The following CACNA1C variants were observed in gnomAD, a reference collection of about 807,000 sequenced individuals.
The protein encoded by CACNA1C is voltage-dependent L-type calcium channel subunit alpha-1C.
A neutral mutation model predicts 229.0 loss-of-function variants in CACNA1C; 30 were observed. The observed-to-expected ratio is 0.13, with a 90% CI of 0.10 to 0.18. The LOEUF is 0.18. Ranked by LOEUF, CACNA1C falls within the 10% of genes least tolerant of loss-of-function variation. The probability of loss-of-function intolerance (pLI) is 1.00; values close to 1 mark genes in which losing one functional copy is unlikely to be tolerated. For synonymous variants in CACNA1C, 1,114 were observed against 1,132.5 expected (o/e 0.98, Z 0.33); for missense variants, 1,658 against 2,845.0 (o/e 0.58, Z 9.49).
intron 3 of CACNA1C, among the ~76,000 whole-genome samples, chr12:2,293,000 C>T (rs542831315): frequency 1.7e-4 from 26 of 152,028 alleles, no homozygotes; most frequent in Admixed American, 9.8e-4. Context: ...AATTCCATTT[C>T]CCTCTGCAGC....
intron 3 of CACNA1C, among the ~76,000 whole-genome samples, chr12:2,428,874 G>C (rs1238219211): frequency 1.3e-5 from 2 of 152,228 alleles, no homozygotes; most frequent in African/African-American, 4.8e-5. Context: ...GCAAAGAGGA[G>C]AAGCTGGGAG....
chr12:2,534,076 T>C (rs187629661), intron 9 of CACNA1C, among the ~76,000 whole-genome samples: 1 of 152,022 alleles, frequency 6.6e-6, no homozygotes, highest in East Asian at 1.9e-4. Context: ...GGAGGGTAGG[T>C]AGGAAGGCTT....
intron 3 of CACNA1C, among the ~76,000 whole-genome samples, chr12:2,161,899 G>A (rs1056004460): frequency 6.6e-6 from 1 of 152,194 alleles, no homozygotes; most frequent in East Asian, 1.9e-4. Flanking sequence ...GGAAGCAGAA[G>A]CACTCAAAAA....
At position 2,633,621 on chromosome 12, in the gene CACNA1C, T is replaced by G. The variant is rs1366360947; in HGVS notation, c.3829-676T>G. 6.4e-7 allele frequency: 1 copy of G among 1,552,742 alleles called. No homozygotes were observed. The highest frequency in any genetic ancestry group is 8.9e-7 in the Non-Finnish European group (1 of 1,124,148). On this transcript the variant is annotated intron_variant, in intron 29 of 46. Coordinates refer to ENST00000399655, the MANE Select transcript of CACNA1C (RefSeq NM_000719.7). The surrounding 1 kb of genome is among the most constrained non-coding windows in gnomAD (Gnocchi z 5.8). ...TAATCCCCATCCTGCCTGCCCTCCCTTATGTAGGGTTACTTTAGTGATCCC... is the reference window on the plus strand; with the variant it reads ...TAATCCCCATCCTGCCTGCCCTCCCGTATGTAGGGTTACTTTAGTGATCCC...
In CACNA1C at chr12:2,339,767, G is replaced by A. The variant is rs150842071; in HGVS notation, c.478-109209G>A. 6.4e-3 allele frequency among the ~76,000 whole-genome samples: 981 copies of A among 152,246 alleles called. 5 individuals carry two copies. Among genetic ancestry groups the A allele is most frequent in the Non-Finnish European group, 8.9e-3 (607 of 68,022 alleles). On this transcript the variant is annotated intron_variant, in intron 3 of 46. Coordinates refer to ENST00000399655, the MANE Select transcript of CACNA1C (RefSeq NM_000719.7). ...TATAACCTTATGAGACCACCATTGTGTATGTGGCCTGTTGTTGACTGCAGT... is the reference window on the plus strand; with the variant it reads ...TATAACCTTATGAGACCACCATTGTATATGTGGCCTGTTGTTGACTGCAGT...
intron 5 of CACNA1C, among the ~76,000 whole-genome samples, chr12:2,481,726 A>G (rs1270317291): frequency 6.6e-6 from 1 of 152,234 alleles, no homozygotes; most frequent in East Asian, 1.9e-4. Context: ...CTCTCCTGTC[A>G]CATACTCAGT....
Position 2,602,485 on chromosome 12 carries a change from GTGTT to G in CACNA1C, c.2960+529_2960+532del, listed in dbSNP as rs1352832290. Among the ~76,000 whole-genome samples the G allele has an allele frequency of 3.3e-5, 5 of 151,990 alleles. No individual in the cohort carries two copies. Among genetic ancestry groups the G allele is most frequent in the Non-Finnish European group, 2.9e-5 (2 of 67,968 alleles). ...GTGGGGTGTGTGTATATGTGGATGT[GTGTT>G]TGTGGCTGTGTGTATGTGTGTGTAT... On this transcript the variant is annotated intron_variant, in intron 22 of 46. Transcript: ENST00000399655. The surrounding 1 kb of genome is among the most constrained non-coding windows in gnomAD (Gnocchi z 4.4).
chr12:2,176,656 C>T (rs189157763), intron 3 of CACNA1C, among the ~76,000 whole-genome samples: 1 of 152,236 alleles, frequency 6.6e-6, no homozygotes, highest in East Asian at 1.9e-4. Context: ...CCAACTCAAT[C>T]CCGTCCTTTA....
At chr12:2,579,548 C>A (rs938953744) in intron 13 of CACNA1C, among the ~76,000 whole-genome samples, 1 of 150,752 alleles carries the variant, frequency 6.6e-6, no homozygotes, top group African/African-American at 2.5e-5. Flanking sequence ...TGCTAACACA[C>A]CCCTACTGGT....
intron 4 of CACNA1C, among the ~76,000 whole-genome samples, chr12:2,456,658 C>G (rs1219454679): frequency 1.3e-5 from 2 of 152,198 alleles, no homozygotes; most frequent in Admixed American, 1.3e-4. Flanking sequence ...TTCCCATAGG[C>G]CTCTGCTCAA....
chr12:2,656,378 A>G (rs145986937), intron 34 of CACNA1C, among the ~76,000 whole-genome samples: 2 of 152,334 alleles, frequency 1.3e-5, no homozygotes, highest in East Asian at 3.9e-4. Flanking sequence ...TTAGGAATAA[A>G]TTTAATGATC....
chr12:2,246,805 A>G (rs2073482863), intron 3 of CACNA1C, among the ~76,000 whole-genome samples: 1 of 152,164 alleles, frequency 6.6e-6, no homozygotes, highest in African/African-American at 2.4e-5. Context: ...ACATTGGCCA[A>G]GGTTGGGGGT....
chr12:2,594,150 T>C (rs1308765353), intron 19 of CACNA1C, among the ~76,000 whole-genome samples: 2 of 152,262 alleles, frequency 1.3e-5, no homozygotes, highest in Non-Finnish European at 2.9e-5. Flanking sequence ...TTGTACAGAT[T>C]TACTACCATG....
chr12:1,985,798 T>C (rs562919030), intron 1 of CACNA1C, among the ~76,000 whole-genome samples: 1 of 152,090 alleles, frequency 6.6e-6, no homozygotes, highest in Non-Finnish European at 1.5e-5. Context: ...ATGCTTCCCA[T>C]ATCAGTTCCA....
rs757290582 is a variant in CACNA1C, at chr12:2,226,121, A to ACG, written c.477+105695_477+105696dup. 8.9e-3 allele frequency among the ~76,000 whole-genome samples: 817 copies of ACG among 91,764 alleles called. 14 individuals carry two copies. The highest frequency in any genetic ancestry group is 0.06 in the South Asian group (142 of 2,372). 60.2% of individuals were successfully genotyped at this position (91,764 alleles called of 152,430 possible). ...CAAGGTATGCCGCTTGGATATGGGG[A>ACG]CGCGCACACACACACACACACACAC... is the stretch of plus-strand genomic sequence containing the variant. On this transcript the variant is annotated intron_variant, in intron 3 of 46. Coordinates refer to ENST00000399655, the MANE Select transcript of CACNA1C (RefSeq NM_000719.7).
chr12:2,053,593 C>T lies in CACNA1C; in HGVS notation c.31C>T (p.Pro11Ser). 6.3e-7 allele frequency: 1 copy of T among 1,599,704 alleles called. No homozygotes were observed. The highest frequency in any genetic ancestry group is 8.5e-7 in the Non-Finnish European group (1 of 1,173,226). The change falls in exon 1 of 47, where the codon CCA (proline) becomes TCA (serine). Residue 11 changes from proline to serine, a missense_variant. Physicochemically the swap from Pro to Ser is moderately conservative, Grantham distance 74. Transcript: ENST00000399655. The surrounding 1 kb of genome is among the most constrained non-coding windows in gnomAD (Gnocchi z 5.8). MVNENTRMYI[P>S]EENHQGSNYG... is the part of the protein sequence containing the mutation. ...CAATGAGAATACGAGGATGTACATT[C>T]CAGAGGAAAACCACCAAGGTAAGGC...
At chr12:2,179,113 G>A (rs2096755011) in intron 3 of CACNA1C, among the ~76,000 whole-genome samples, 1 of 152,148 alleles carries the variant, frequency 6.6e-6, no homozygotes, top group Non-Finnish European at 1.5e-5. Flanking sequence ...TGTGATGGCG[G>A]TCTTTTCTGT....
chr12:2,448,279 C>G (rs533579301), intron 3 of CACNA1C, among the ~76,000 whole-genome samples: 1 of 152,328 alleles, frequency 6.6e-6, no homozygotes, highest in Admixed American at 6.5e-5. Flanking sequence ...TCTTTCCATT[C>G]TCCACTCCCA....
At chr12:2,028,693 G>A (rs546955134) in intron 1 of CACNA1C, among the ~76,000 whole-genome samples, 16 of 152,252 alleles carry the variant, frequency 1.1e-4, no homozygotes, top group Non-Finnish European at 1.9e-4. Flanking sequence ...CTACTCCACC[G>A]AGTATTTCCT....
Sources: gnomAD v4.1 joint callset for allele counts (sites outside exome capture counted in the v4.1 genomes callset) on GRCh38, gnomAD v4.1.1 for gene constraint, Gnocchi (gnomAD v3.1) non-coding constraint, MANE v1.5 for transcripts, NCBI Gene and HGNC (gene_info 2026-07-23, HGNC 2026-07-21) for gene names.